Variants in DNAJC11 observed in about 807,000 individuals in gnomAD.
DNAJC11 encodes the protein dnaJ homolog subfamily C member 11.
A neutral mutation model predicts 78.6 loss-of-function variants in DNAJC11; 15 were observed. That is an observed-to-expected ratio of 0.19 (90% confidence interval 0.13 to 0.29). The LOEUF is 0.29. Among genes scored for constraint, DNAJC11 ranks in the 10% least tolerant of loss-of-function variants. DNAJC11 has a pLI of 1.00. For missense variants in DNAJC11, 547 were observed against 709.6 expected (o/e 0.77, Z 2.60); for synonymous variants, 292 against 272.1 (o/e 1.07, Z -0.72).
At chr1:6,696,766 TAAC>T (rs1642845610) in intron 1 of DNAJC11, among the ~76,000 whole-genome samples, 1 of 152,242 alleles carries the variant, frequency 6.6e-6, no homozygotes. Context: ...AACTATTTAT[TAAC>T]AACTTCATTT....
intron 4 of DNAJC11, among the ~76,000 whole-genome samples, chr1:6,654,894 G>T (rs896596882): frequency 6.6e-6 from 1 of 151,986 alleles, no homozygotes; most frequent in Admixed American, 6.6e-5. Context: ...CGCCTCCTGG[G>T]TTCAAGCGAT....
At chr1:6,660,975 T>C (rs533266327) in intron 4 of DNAJC11, among the ~76,000 whole-genome samples, 9 of 152,378 alleles carry the variant, frequency 5.9e-5, no homozygotes, top group African/African-American at 2.2e-4. Flanking sequence ...TGTACCATTC[T>C]AAATTCTTTA....
At chr1:6,656,572 A>C (rs949427141) in intron 4 of DNAJC11, among the ~76,000 whole-genome samples, 8 of 152,042 alleles carry the variant, frequency 5.3e-5, no homozygotes, top group African/African-American at 1.9e-4. Flanking sequence ...ACAGAGATGA[A>C]TCAATTAAAT....
At chr1:6,650,331 C>CG (rs1642035807) in intron 7 of DNAJC11, among the ~76,000 whole-genome samples, 1 of 152,026 alleles carries the variant, frequency 6.6e-6, no homozygotes, top group Non-Finnish European at 1.5e-5. Flanking sequence ...TTTGGGAGGC[C>CG]AAGGTGGGAG....
At chr1:6,663,658 G>A (rs1278707135) in intron 4 of DNAJC11, among the ~76,000 whole-genome samples, 2 of 152,226 alleles carry the variant, frequency 1.3e-5, no homozygotes, top group East Asian at 1.9e-4. Flanking sequence ...ATGAACCCAC[G>A]TCCTGCCCAG....
chr1:6,694,771 C>A (rs1314252687), intron 1 of DNAJC11, among the ~76,000 whole-genome samples: 1 of 150,426 alleles, frequency 6.6e-6, no homozygotes, highest in Non-Finnish European at 1.5e-5. Context: ...CGAGACCATC[C>A]TGGCTAACAC....
intron 12 of DNAJC11, chr1:6,637,935 C>A (rs1183653897): frequency 5.2e-6 from 2 of 383,036 alleles, no homozygotes; most frequent in Non-Finnish European, 9.5e-6. Context: ...AGCTGTGCCG[C>A]CCCCTCAGAC....
intron 1 of DNAJC11, among the ~76,000 whole-genome samples, chr1:6,687,417 C>T (rs917252035): frequency 1.4e-4 from 20 of 141,688 alleles, no homozygotes; most frequent in African/African-American, 5.0e-4. Flanking sequence ...AGTGCAGTGG[C>T]ATGATCTCGG....
In DNAJC11 at chr1:6,644,690, G is replaced by T. The variant is rs373743249; in HGVS notation, c.981-16C>A. On this transcript the variant is annotated splice_polypyrimidine_tract_variant and intron_variant, in intron 9 of 15. Coordinates refer to ENST00000377577, the MANE Select transcript of DNAJC11 (RefSeq NM_018198.4). ...GAAGCCTGCTCTGCAGGGAGAGAAC[G>T]CGGTCTGTGCCTGTGCCCCTCATTC... 143 of 1,604,748 alleles carry T rather than the reference G, an allele frequency of 8.9e-5. No individual in the cohort carries two copies. The highest frequency in any genetic ancestry group is 1.2e-4 in the Non-Finnish European group (139 of 1,171,590).
At chr1:6,698,373 C>T (rs914027734) in intron 1 of DNAJC11, among the ~76,000 whole-genome samples, 6 of 152,124 alleles carry the variant, frequency 3.9e-5, no homozygotes, top group Non-Finnish European at 7.4e-5. Context: ...AACTAAATCA[C>T]GTTATTTCAA....
intron 1 of DNAJC11, among the ~76,000 whole-genome samples, chr1:6,682,324 C>T (rs1477472187): frequency 6.6e-6 from 1 of 152,050 alleles, no homozygotes; most frequent in Non-Finnish European, 1.5e-5. Flanking sequence ...ATATTTTCTA[C>T]AGGATTAAGT....
Position 6,645,183 on chromosome 1 carries a change from ATGGG to A in DNAJC11, c.895-61_895-58del. ...CTAGGGCGTGTGACTCTGTGGGGAG[ATGGG>A]TATCTGCCCTCCCACTAGCTCTGGG... On this transcript the variant is annotated intron_variant, in intron 8 of 15. Coordinates refer to ENST00000377577, the MANE Select transcript of DNAJC11 (RefSeq NM_018198.4). The surrounding 1 kb of genome is among the most constrained non-coding windows in gnomAD (Gnocchi z 4.1). 18 of 1,393,616 alleles carry A rather than the reference ATGGG, an allele frequency of 1.3e-5. No homozygotes were observed. The highest frequency in any genetic ancestry group is 2.3e-5 in the South Asian group (2 of 86,104). 86.3% of individuals were successfully genotyped at this position (1,393,616 alleles called of 1,614,324 possible). A position where few individuals can be genotyped will look rare whatever the true frequency, so the allele number is the denominator to read the frequency against.
At chr1:6,651,275 G>T in intron 7 of DNAJC11, 1 of 655,170 alleles carries the variant, frequency 1.5e-6, no homozygotes. Context: ...TTGTGGCATA[G>T]GTAAGGGAGG....
At chr1:6,675,582 A>AT (rs1241775435) in intron 3 of DNAJC11, among the ~76,000 whole-genome samples, 2 of 151,832 alleles carry the variant, frequency 1.3e-5, no homozygotes, top group African/African-American at 4.8e-5. Flanking sequence ...TGCCTGGTTA[A>AT]TTTTTTCATT....
chr1:6,638,806 C>T (rs1157824664), intron 11 of DNAJC11, among the ~76,000 whole-genome samples: 6 of 152,232 alleles, frequency 3.9e-5, no homozygotes, highest in African/African-American at 7.2e-5. Context: ...GGGTTACAGG[C>T]GTGAGTTGTT....
chr1:6,643,740 C>T (rs1016396668), intron 10 of DNAJC11, among the ~76,000 whole-genome samples: 3 of 152,156 alleles, frequency 2.0e-5, no homozygotes, highest in African/African-American at 4.8e-5. Flanking sequence ...CCAGTGACTC[C>T]AGGAGGACTG....
At chr1:6,643,224 C>G (rs1641906104) in intron 10 of DNAJC11, among the ~76,000 whole-genome samples, 1 of 151,836 alleles carries the variant, frequency 6.6e-6, no homozygotes, top group Non-Finnish European at 1.5e-5. Context: ...GCTGGAGAGG[C>G]CTGACTGGAG....
At chr1:6,665,448 C>T (rs962645215) in intron 4 of DNAJC11, among the ~76,000 whole-genome samples, 9 of 152,144 alleles carry the variant, frequency 5.9e-5, no homozygotes, top group African/African-American at 2.2e-4. Context: ...GCAAAAAAAC[C>T]CCTCAGAAAT....
chr1:6,674,739 A>C (rs1642433757), intron 3 of DNAJC11, among the ~76,000 whole-genome samples: 1 of 151,966 alleles, frequency 6.6e-6, no homozygotes, highest in Non-Finnish European at 1.5e-5. Flanking sequence ...AAAAAAAAAA[A>C]GTCTGAAAAT....
Sources: gnomAD v4.1 joint callset for allele counts (sites outside exome capture counted in the v4.1 genomes callset) on GRCh38, gnomAD v4.1.1 for gene constraint, Gnocchi (gnomAD v3.1) non-coding constraint, MANE v1.5 for transcripts, NCBI Gene and HGNC (gene_info 2026-07-23, HGNC 2026-07-21) for gene names.